The following USP15 variants were observed in gnomAD, a reference collection of about 807,000 sequenced individuals.
USP15 encodes the protein ubiquitin carboxyl-terminal hydrolase 15.
Under a neutral mutation model 127.1 loss-of-function variants are expected in USP15, and 18 were observed. That is an observed-to-expected ratio of 0.14 (90% CI 0.10 to 0.21). The LOEUF (loss-of-function observed/expected upper bound fraction) is 0.21, where lower values mean the gene tolerates loss of function less well. Ranked by LOEUF, USP15 falls within the 10% of genes least tolerant of loss-of-function variation. The pLI is 1.00. For synonymous variants in USP15, 364 were observed against 393.7 expected (o/e 0.92, Z 0.89); for missense variants, 805 against 1,159.9 (o/e 0.69, Z 4.44).
Position 62,288,068 on chromosome 12 carries a change from T to G in USP15, c.90-6111T>G, listed in dbSNP as rs1326801727. Among the ~76,000 whole-genome samples the G allele has an allele frequency of 5.3e-5, 8 of 152,298 alleles. No homozygotes were observed. In the East Asian group the frequency reaches 1.5e-3, roughly 29 times the overall value. ...TTTTGCTTAGTATTGCTTAATCTAT[T>G]GAGATTCTTTTTTTTATTTCATATG... is the stretch of plus-strand genomic sequence containing the variant. On this transcript the variant is annotated intron_variant, in intron 1 of 21. Coordinates refer to ENST00000280377, the MANE Select transcript of USP15 (RefSeq NM_001252078.2).
intron 7 of USP15, among the ~76,000 whole-genome samples, chr12:62,353,201 G>A (rs1389912679): frequency 6.6e-6 from 1 of 151,986 alleles, no homozygotes; most frequent in African/African-American, 2.4e-5. Context: ...ATCATTTTGA[G>A]CATCTAGACT....
chr12:62,381,358 A>C, intron 8 of USP15, 132 bp from the exon 9 acceptor site: 1 of 666,592 alleles, frequency 1.5e-6, no homozygotes, highest in Non-Finnish European at 2.3e-6. Flanking sequence ...ACCAGTTATT[A>C]GTGCAAGAAA....
At chr12:62,364,317 G>A (rs1377079317) in intron 8 of USP15, among the ~76,000 whole-genome samples, 2 of 152,114 alleles carry the variant, frequency 1.3e-5, no homozygotes, top group Non-Finnish European at 2.9e-5. Context: ...TAAGAAGATT[G>A]CTCAGCAGTA....
intron 8 of USP15, among the ~76,000 whole-genome samples, chr12:62,379,749 A>T (rs1330937431): frequency 1.3e-5 from 2 of 152,090 alleles, no homozygotes; most frequent in East Asian, 3.8e-4. Flanking sequence ...CCTTTGTCTG[A>T]CTATTTAATG....
intron 11 of USP15, among the ~76,000 whole-genome samples, chr12:62,384,725 A>G (rs1033448070): frequency 6.6e-6 from 1 of 151,734 alleles, no homozygotes; most frequent in African/African-American, 2.4e-5. Flanking sequence ...AAATACCTGT[A>G]ATTTTTAGGC....
In USP15 at chr12:62,392,457, A is replaced by G. The variant is rs920249205; in HGVS notation, c.2420+70A>G. 3.0e-4 allele frequency: 328 copies of G among 1,087,198 alleles called. 2 individuals carry two copies. Among genetic ancestry groups the G allele is most frequent in the Middle Eastern group, 1.1e-3 (4 of 3,724 alleles). The allele number at this position is 1,087,198 out of a possible 1,614,324, so 67.3% of individuals were successfully genotyped here. ...TTATTCTGAGATATGTGCCACATCA[A>G]GTTGAAAAAGTAATTACTAAATTCT... On this transcript the variant is annotated intron_variant, in intron 18 of 21. Coordinates refer to ENST00000280377, the MANE Select transcript of USP15 (RefSeq NM_001252078.2).
chr12:62,363,621 A>G (rs1297227789), intron 8 of USP15, among the ~76,000 whole-genome samples: 2 of 151,962 alleles, frequency 1.3e-5, no homozygotes, highest in Non-Finnish European at 2.9e-5. Context: ...TTTTATTTCT[A>G]TTAGGGTTTT....
At chr12:62,302,761 A>G in intron 2 of USP15, 29 bp from the exon 3 acceptor site, 3 of 1,588,174 alleles carry the variant, frequency 1.9e-6, no homozygotes, top group Non-Finnish European at 2.6e-6. Context: ...ATTTAGAGTT[A>G]GGTATTGAGT....
At position 62,349,265 on chromosome 12, in the gene USP15, CT is replaced by C; in HGVS notation, c.730del (p.Ser244HisfsTer10). The C allele has an allele frequency of 6.6e-7, 1 of 1,507,200 alleles. No homozygotes were observed. The highest frequency in any genetic ancestry group is 8.8e-7 in the Non-Finnish European group (1 of 1,132,078). 93.4% of individuals were successfully genotyped at this position (1,507,200 alleles called of 1,614,324 possible). On this transcript the variant is annotated frameshift_variant, in exon 7 of 22. Coordinates refer to ENST00000280377, the MANE Select transcript of USP15 (RefSeq NM_001252078.2). LOFTEE classifies it high-confidence loss of function. Reference protein sequence around the residue: ...SNFSTLPKISPSSLSNNYNNM... With the variant: ...SNFSTLPKISXSSLSNNYNNM... ...TTTTCAACTTTACCAAAGATCTCTC[CT>C]TCATCTCTATCAAATAATTATAACA...
At chr12:62,327,584 G>T in intron 6 of USP15, 3 of 398,418 alleles carry the variant, frequency 7.5e-6, no homozygotes, top group East Asian at 8.3e-5. Context: ...TAAAGATTGA[G>T]AAATCTTTTC....
At chr12:62,289,416 A>G (rs2063886918) in intron 1 of USP15, among the ~76,000 whole-genome samples, 1 of 151,966 alleles carries the variant, frequency 6.6e-6, no homozygotes, top group South Asian at 2.1e-4. Context: ...GTAGTCTCTG[A>G]TGACCTTTTG....
At position 62,404,326 on chromosome 12, in the gene USP15, A is replaced by G. The variant is rs757797432; in HGVS notation, c.2897A>G (p.Asn966Ser). ...CCATTAGAAAGTGATGAAGATAGCA[A>G]TGATAATGACAATGATATAGAAAAT... ...GIPLESDEDS[N>S]DNDNDIENEN... The change falls in exon 22 of 22, where the codon AAT becomes AGT. Residue 966 changes from asparagine (N) to serine (S), a missense_variant. Around this residue, in one of 11 missense-constraint regions of USP15, gnomAD observed 116 missense variants for 157.2 expected, o/e 0.74. Transcript: ENST00000280377. 1.9e-5 allele frequency: 31 copies of G among 1,612,866 alleles called. No individual in the cohort carries two copies. Among genetic ancestry groups the G allele is most frequent in the East Asian group, 1.6e-4 (7 of 44,848 alleles).
intron 6 of USP15, chr12:62,336,452 G>T: frequency 1.0e-6 from 1 of 985,380 alleles, no homozygotes; most frequent in Non-Finnish European, 1.2e-6. Flanking sequence ...AGCAAGTCTT[G>T]CAGATTCTGC....
intron 6 of USP15, chr12:62,335,747 A>G (rs1227428440): frequency 7.1e-6 from 7 of 985,366 alleles, no homozygotes; most frequent in South Asian, 9.4e-5. Context: ...TTAAAAGGCT[A>G]TACTTAATGT....
rs1439565660 is a variant in USP15 at position 62,272,773 on chromosome 12, A to C, written c.89+12270A>C. On this transcript the variant is annotated intron_variant, in intron 1 of 21. Transcript: ENST00000280377. ...TTATTCTATCCACACCATAATACAA[A>C]TTATTTATCATAATGCCTTCAGAAT... Among the ~76,000 whole-genome samples, 13 of 151,998 alleles carry C rather than the reference A, an allele frequency of 8.6e-5. 1 individual carries two copies. The highest frequency in any genetic ancestry group is 7.2e-4 in the Admixed American group (11 of 15,248).
At position 62,412,318 on chromosome 12, in the gene USP15, A is replaced by G. The variant is rs1237002616; in HGVS notation, c.*7943A>G. The G allele has an allele frequency of 6.6e-6, 1 of 152,152 alleles. No homozygotes were observed. The highest frequency in any genetic ancestry group is 1.5e-5 in the Non-Finnish European group (1 of 68,034). 9.4% of individuals were successfully genotyped at this position (152,152 alleles called of 1,614,324 possible). The stretch of plus-strand genomic sequence containing the variant: ...CTCATTTTGATAGATACTCACCAGG[A>G]TGGTGGTTGCTGAAGGTTAGGGTGG... On this transcript the variant is annotated 3_prime_UTR_variant, in exon 22 of 22. Coordinates refer to ENST00000280377, the MANE Select transcript of USP15 (RefSeq NM_001252078.2).
intron 11 of USP15, 90 bp from the exon 12 acceptor site, chr12:62,389,341 G>C (rs1481544632): frequency 3.7e-6 from 4 of 1,078,896 alleles, no homozygotes; most frequent in African/African-American, 1.6e-5. Flanking sequence ...AATGCCAAAT[G>C]AATGTGAGAT....
At chr12:62,373,968 G>A (rs1382820150) in intron 8 of USP15, among the ~76,000 whole-genome samples, 2 of 151,940 alleles carry the variant, frequency 1.3e-5, no homozygotes, top group East Asian at 3.8e-4. Flanking sequence ...TTATCCACTT[G>A]TGTAGCATTA....
intron 21 of USP15, among the ~76,000 whole-genome samples, chr12:62,401,985 T>C (rs978478548): frequency 4.6e-5 from 7 of 151,138 alleles, no homozygotes; most frequent in Non-Finnish European, 8.9e-5. Context: ...TTGAATACTA[T>C]AAATTTTTAA....
Sources: gnomAD v4.1 joint callset for allele counts (sites outside exome capture counted in the v4.1 genomes callset) on GRCh38, gnomAD v4.1.1 for gene constraint, gnomAD v4.1.1 regional missense constraint, MANE v1.5 for transcripts, NCBI Gene and HGNC (gene_info 2026-07-23, HGNC 2026-07-21) for gene names.